RBM27: variants seen among roughly 807,000 people sequenced by gnomAD.
The protein encoded by RBM27 is RNA-binding protein 27.
RBM27 carries 22 observed loss-of-function variants against 135.3 expected under a neutral mutation model. That is an observed-to-expected ratio of 0.16 (90% CI 0.12 to 0.23). The LOEUF (loss-of-function observed/expected upper bound fraction) is 0.23, where lower values mean the gene tolerates loss of function less well. Among genes scored for constraint, RBM27 ranks in the 10% least tolerant of loss-of-function variants. The pLI is 1.00. For synonymous variants in RBM27, 481 were observed against 442.4 expected (o/e 1.09, Z -1.10); for missense variants, 1,009 against 1,281.0 (o/e 0.79, Z 3.24).
At chr5:146,283,612 G>T (rs1453141548) in intron 19 of RBM27, among the ~76,000 whole-genome samples, 1 of 152,150 alleles carries the variant, frequency 6.6e-6, no homozygotes, top group African/African-American at 2.4e-5. Flanking sequence ...TGTCCCATGA[G>T]TCATAATGTT....
chr5:146,203,736 AGC>A lies in RBM27; in HGVS notation c.-28_-27del. The A allele has an allele frequency of 6.5e-7, 1 of 1,546,996 alleles. No homozygotes were observed. The highest frequency in any genetic ancestry group is 2.0e-5 in the Admixed American group (1 of 50,898). On this transcript the variant is annotated 5_prime_UTR_variant, in exon 1 of 21. Transcript: ENST00000265271. ...GAGACCCACGGCAGGCCTGAAGAAG[AGC>A]GGCGGCCGAGCCCGCCTTCCCTGCA...
chr5:146,273,621 A>G (rs2095474230), intron 19 of RBM27, among the ~76,000 whole-genome samples: 1 of 152,218 alleles, frequency 6.6e-6, no homozygotes, highest in South Asian at 2.1e-4. Flanking sequence ...ATACAGAAAT[A>G]CATATTCTTA....
intron 11 of RBM27, among the ~76,000 whole-genome samples, chr5:146,259,467 G>A (rs1581212720): frequency 7.6e-6 from 1 of 131,642 alleles, no homozygotes; most frequent in Admixed American, 9.0e-5. Flanking sequence ...TTGCACCATT[G>A]CACTCCAGTC....
At chr5:146,248,415 A>G (rs1757728150) in intron 8 of RBM27, among the ~76,000 whole-genome samples, 1 of 152,022 alleles carries the variant, frequency 6.6e-6, no homozygotes, top group Non-Finnish European at 1.5e-5. Context: ...ACTCAGTAGG[A>G]ATTGTTTAAG....
In RBM27 at chr5:146,275,928, T is replaced by C. The variant is rs556269030; in HGVS notation, c.2988+4254T>C. On this transcript the variant is annotated intron_variant, in intron 19 of 20. Coordinates refer to ENST00000265271, the MANE Select transcript of RBM27 (RefSeq NM_018989.2). Reference sequence around the variant, plus strand: ...GTCTAGAGTTAGGTTTTAGGATTGATCAATTCAGAAATTCAGCTGCTCAGA... The same window carrying C: ...GTCTAGAGTTAGGTTTTAGGATTGACCAATTCAGAAATTCAGCTGCTCAGA... Among the ~76,000 whole-genome samples the C allele has an allele frequency of 8.9e-4, 136 of 152,346 alleles. 1 individual carries two copies. Among genetic ancestry groups the C allele is most frequent in the African/African-American group, 3.0e-3 (124 of 41,594 alleles).
chr5:146,254,821 GT>G (rs1758039419), intron 9 of RBM27, 121 bp from the exon 10 acceptor site: 1 of 862,738 alleles, frequency 1.2e-6, no homozygotes, highest in Non-Finnish European at 1.7e-6. Flanking sequence ...AGAGGTGACT[GT>G]AGGTTGATGT....
chr5:146,269,011 T>G (rs1291438901), intron 15 of RBM27, among the ~76,000 whole-genome samples, 196 bp from the exon 16 acceptor site: 1 of 152,216 alleles, frequency 6.6e-6, no homozygotes, highest in Non-Finnish European at 1.5e-5. Flanking sequence ...GTCCAATATT[T>G]TAAATATTTT....
At chr5:146,264,654 TAA>T (rs35210934) in intron 14 of RBM27, among the ~76,000 whole-genome samples, 38,359 of 97,384 alleles carry the variant, frequency 0.39, 5,424 homozygotes, top group Admixed American at 0.48. Flanking sequence ...CAAAGAGAGC[TAA>T]AAAAAAAAAA....
Position 146,230,811 on chromosome 5 carries a change from C to G in RBM27, c.744C>G (p.His248Gln), listed in dbSNP as rs1279380505. Residue 248 changes from histidine (H) to glutamine (Q), a missense_variant, in exon 6 of 21, where the codon CAC becomes CAG. This residue lies in a region of RBM27 where 268 missense variants were observed against 326.6 expected (regional missense o/e 0.82). Coordinates refer to ENST00000265271, the MANE Select transcript of RBM27 (RefSeq NM_018989.2). The part of the protein sequence containing the change: ...STVTVIAPAH[H>Q]SENTTESWSN... ...TTACTGTGATCGCACCTGCTCACCA[C>G]TCTGAAAACACAACTGAGAGTTGGT... The G allele has an allele frequency of 6.2e-7, 1 of 1,613,932 alleles. No homozygotes were observed. The highest frequency in any genetic ancestry group is 8.5e-7 in the Non-Finnish European group (1 of 1,179,938).
At chr5:146,224,177 T>A (rs1756569580) in intron 3 of RBM27, among the ~76,000 whole-genome samples, 1 of 152,198 alleles carries the variant, frequency 6.6e-6, no homozygotes, top group African/African-American at 2.4e-5. Context: ...TGTCTCACTT[T>A]GATATCAGTA....
intron 2 of RBM27, among the ~76,000 whole-genome samples, chr5:146,222,553 A>C (rs1322173667): frequency 6.6e-6 from 1 of 152,006 alleles, no homozygotes; most frequent in African/African-American, 2.4e-5. Flanking sequence ...GCGTGGTGGC[A>C]CATGCCTGTA....
chr5:146,230,522 G>A (rs1010361147), intron 5 of RBM27, 135 bp from the exon 6 acceptor site: 32 of 872,876 alleles, frequency 3.7e-5, no homozygotes, highest in Non-Finnish European at 8.6e-6. Flanking sequence ...AATAAAGAGA[G>A]GAGTATGAAA....
intron 7 of RBM27, among the ~76,000 whole-genome samples, chr5:146,234,923 A>G (rs1046844724): frequency 1.3e-5 from 2 of 151,808 alleles, no homozygotes; most frequent in Admixed American, 6.6e-5. Context: ...AGTTCCAGCT[A>G]CTTGGGATGC....
chr5:146,252,160 G>A (rs1477721100), intron 9 of RBM27, among the ~76,000 whole-genome samples: 1 of 152,192 alleles, frequency 6.6e-6, no homozygotes, highest in Non-Finnish European at 1.5e-5. Context: ...CAGGTAGATA[G>A]AAAGATAATA....
At chr5:146,228,825 C>G (rs1286891765) in intron 3 of RBM27, 121 bp from the exon 4 acceptor site, 2 of 629,892 alleles carry the variant, frequency 3.2e-6, no homozygotes, top group Non-Finnish European at 5.6e-6. Context: ...GTTTCCCAGG[C>G]TGGTCTCAAT....
Position 146,203,649 on chromosome 5 carries a change from A to G in RBM27, c.-117A>G, listed in dbSNP as rs1274669389. 1 of 949,008 alleles carries G rather than the reference A, an allele frequency of 1.1e-6. No individual in the cohort carries two copies. Among genetic ancestry groups the G allele is most frequent in the Admixed American group, 2.1e-5 (1 of 46,704 alleles). 58.8% of individuals were successfully genotyped at this position (949,008 alleles called of 1,614,324 possible). ...CCGGGGGAGTAGGTTGAAGTCTCCT[A>G]AGATGCCCGGTGGGCTGGGGCACCG... On this transcript the variant is annotated 5_prime_UTR_variant, in exon 1 of 21. Coordinates refer to ENST00000265271, the MANE Select transcript of RBM27 (RefSeq NM_018989.2).
In RBM27 at chr5:146,237,283, G is replaced by A. The variant is rs1310645042; in HGVS notation, c.1145-15G>A. 3.1e-6 allele frequency: 5 copies of A among 1,612,958 alleles called. No individual in the cohort carries two copies. The Admixed American group carries it at 5.0e-5, about 16-fold the overall frequency. On this transcript the variant is annotated splice_polypyrimidine_tract_variant and intron_variant, in intron 7 of 20. Coordinates refer to ENST00000265271, the MANE Select transcript of RBM27 (RefSeq NM_018989.2). ...ATTAATGCTGTACTTTTCACTTTTT[G>A]TTGTCTGTATGTAGGACCACCTATA...
In RBM27 at chr5:146,272,762, A is replaced by G. The variant is rs1034117426; in HGVS notation, c.2988+1088A>G. On this transcript the variant is annotated intron_variant, in intron 19 of 20. Coordinates refer to ENST00000265271, the MANE Select transcript of RBM27 (RefSeq NM_018989.2). The stretch of plus-strand genomic sequence containing the variant: ...AGTATTAAAGATGGTGAGGGAAATC[A>G]TAAAGAGCAAGGCTTCACTTCAAGT... Among the ~76,000 whole-genome samples, 5 of 152,024 alleles carry G rather than the reference A, an allele frequency of 3.3e-5. 1 individual carries two copies. The highest frequency in any genetic ancestry group is 1.3e-4 in the Admixed American group (2 of 15,256).
intron 20 of RBM27, among the ~76,000 whole-genome samples, 157 bp downstream of exon 20, chr5:146,284,889 T>C (rs563681789): frequency 6.6e-6 from 1 of 152,218 alleles, no homozygotes; most frequent in South Asian, 2.1e-4. Flanking sequence ...TTAAAACAGG[T>C]CTAGAGATAT....
Sources: allele counts gnomAD v4.1 joint callset (sites outside exome capture counted in the v4.1 genomes callset), GRCh38; gene constraint gnomAD v4.1.1; regional missense constraint gnomAD v4.1.1; transcripts MANE v1.5; gene names NCBI Gene and HGNC (gene_info 2026-07-23, HGNC 2026-07-21).